Variants in GRIK1 observed in about 807,000 individuals in gnomAD.
GRIK1 encodes glutamate receptor ionotropic, kainate 1.
In GRIK1, 69 loss-of-function variants were observed where a neutral mutation model predicts 105.7. The observed-to-expected ratio is 0.65, with a 90% CI of 0.54 to 0.80. The LOEUF is 0.80. Among genes scored for constraint, GRIK1 ranks in the 30% least tolerant of loss-of-function variants. GRIK1 has a pLI of 0.00. For synonymous variants in GRIK1, 438 were observed against 431.3 expected (o/e 1.02, Z -0.19); for missense variants, 1,109 against 1,167.3 (o/e 0.95, Z 0.73).
At position 29,888,199 on chromosome 21, in the gene GRIK1, C is replaced by CTTTCTTCCTTTCTTTCTT. The variant is rs1391865067; in HGVS notation, c.118+51183_118+51184insAAGAAAGAAAGGAAGAAA. Among the ~76,000 whole-genome samples, 23 of 15,814 alleles carry CTTTCTTCCTTTCTTTCTT rather than the reference C, an allele frequency of 1.5e-3. 1 individual carries two copies. Among genetic ancestry groups the CTTTCTTCCTTTCTTTCTT allele is most frequent in the African/African-American group, 2.6e-3 (20 of 7,638 alleles). 10.4% of individuals were successfully genotyped at this position (15,814 alleles called of 152,430 possible). A position where few individuals can be genotyped will look rare whatever the true frequency, so the allele number is the denominator to read the frequency against. Reference sequence around the variant, plus strand: ...TTTCTTTCTTCCTTTCTTTCTTTCTCTCTCTCTCTCTCTCTCTCTCTCTCT... The same window carrying CTTTCTTCCTTTCTTTCTT: ...TTTCTTTCTTCCTTTCTTTCTTTCTCTTTCTTCCTTTCTTTCTTTCTCTCTCTCTCTCTCTCTCTCTCT... On this transcript the variant is annotated intron_variant, in intron 1 of 17. Transcript: ENST00000327783.
intron 1 of GRIK1, among the ~76,000 whole-genome samples, chr21:29,854,112 G>A (rs1024629848): frequency 3.3e-5 from 5 of 152,090 alleles, no homozygotes; most frequent in African/African-American, 1.2e-4. Context: ...TGTACAAGAA[G>A]CATGATGCCT....
chr21:29,673,992 A>G (rs1300136682), intron 3 of GRIK1, among the ~76,000 whole-genome samples: 3 of 152,084 alleles, frequency 2.0e-5, no homozygotes, highest in Non-Finnish European at 4.4e-5. Flanking sequence ...ATGTTCCCTA[A>G]TGTTAGCAGG....
chr21:29,689,291 G>C (rs910834368), intron 3 of GRIK1, among the ~76,000 whole-genome samples: 1 of 152,112 alleles, frequency 6.6e-6, no homozygotes, highest in African/African-American at 2.4e-5. Context: ...CACTCTATTG[G>C]TACAACCTCT....
chr21:29,701,609 G>A (rs1451928986), intron 1 of GRIK1, among the ~76,000 whole-genome samples: 1 of 152,190 alleles, frequency 6.6e-6, no homozygotes, highest in Non-Finnish European at 1.5e-5. Context: ...TTGAGCAGAG[G>A]AGTGAAATGA....
intron 16 of GRIK1, among the ~76,000 whole-genome samples, chr21:29,553,869 C>T (rs1601092366): frequency 6.6e-6 from 1 of 152,088 alleles, no homozygotes; most frequent in Non-Finnish European, 1.5e-5. Context: ...TTGCATAAAA[C>T]AAGACACCTC....
intron 1 of GRIK1, among the ~76,000 whole-genome samples, chr21:29,920,092 T>C (rs1241263293): frequency 6.6e-6 from 1 of 152,152 alleles, no homozygotes; most frequent in Non-Finnish European, 1.5e-5. Context: ...AATGTTTTTT[T>C]CCCAGAAATT....
rs186447174 is a variant in GRIK1 at position 29,645,348 on chromosome 21, G to A, written c.955-2379C>T. ...GACTTGGACTGTTTCTTATCAATAGGATATACTTTTTTGAAAATTCGTATG... is the reference window on the plus strand; with the variant it reads ...GACTTGGACTGTTTCTTATCAATAGAATATACTTTTTTGAAAATTCGTATG... On this transcript the variant is annotated intron_variant, in intron 6 of 17. Transcript: ENST00000327783. Among the ~76,000 whole-genome samples, 400 of 152,190 alleles carry A rather than the reference G, an allele frequency of 2.6e-3. 2 individuals carry two copies. The highest frequency in any genetic ancestry group is 4.2e-3 in the Non-Finnish European group (286 of 68,004).
intron 6 of GRIK1, among the ~76,000 whole-genome samples, chr21:29,645,399 C>T (rs1421079025): frequency 6.6e-6 from 1 of 151,962 alleles, no homozygotes; most frequent in African/African-American, 2.4e-5. Flanking sequence ...GCTGAATGAC[C>T]AATTTGATAG....
intron 1 of GRIK1, among the ~76,000 whole-genome samples, chr21:29,730,243 A>G (rs1418110897): frequency 6.6e-6 from 1 of 152,182 alleles, no homozygotes; most frequent in African/African-American, 2.4e-5. Flanking sequence ...TACTTATAAT[A>G]ATTATTGTAT....
intron 1 of GRIK1, among the ~76,000 whole-genome samples, chr21:29,918,618 G>A (rs1346061757): frequency 6.6e-6 from 1 of 152,042 alleles, no homozygotes; most frequent in Non-Finnish European, 1.5e-5. Flanking sequence ...AATGTGAAAT[G>A]TGTGTGTGTC....
At chr21:29,583,230 T>C (rs75736629) in intron 12 of GRIK1, among the ~76,000 whole-genome samples, 2,252 of 152,236 alleles carry the variant, frequency 0.015, 58 homozygotes, top group African/African-American at 0.047. Context: ...TTTTAATTAA[T>C]GTTTCAACAA....
At chr21:29,772,843 G>T (rs1357339595) in intron 1 of GRIK1, among the ~76,000 whole-genome samples, 1 of 152,288 alleles carries the variant, frequency 6.6e-6, no homozygotes, top group African/African-American at 2.4e-5. Context: ...TAAATATCAT[G>T]TTTCAGAAAA....
At chr21:29,708,182 G>T (rs559521862) in intron 1 of GRIK1, among the ~76,000 whole-genome samples, 6 of 152,166 alleles carry the variant, frequency 3.9e-5, no homozygotes, top group Non-Finnish European at 7.4e-5. Flanking sequence ...ATGTATTATA[G>T]AAAATATTTA....
intron 1 of GRIK1, among the ~76,000 whole-genome samples, chr21:29,795,177 A>G (rs2145835142): frequency 1.3e-5 from 2 of 151,608 alleles, no homozygotes; most frequent in South Asian, 4.2e-4. Context: ...CTGGGATTAC[A>G]GGCACCTGCC....
At chr21:29,761,688 T>C (rs936846309) in intron 1 of GRIK1, among the ~76,000 whole-genome samples, 1 of 152,054 alleles carries the variant, frequency 6.6e-6, no homozygotes, top group African/African-American at 2.4e-5. Context: ...AAATGTTTCT[T>C]TCTTTCTTCT....
At chr21:29,882,774 T>C (rs2069469247) in intron 1 of GRIK1, among the ~76,000 whole-genome samples, 1 of 152,162 alleles carries the variant, frequency 6.6e-6, no homozygotes, top group South Asian at 2.1e-4. Context: ...AGTTTGTTTC[T>C]ATTTCTCCAC....
At chr21:29,674,574 G>A (rs2063230588) in intron 3 of GRIK1, among the ~76,000 whole-genome samples, 1 of 152,020 alleles carries the variant, frequency 6.6e-6, no homozygotes, top group Non-Finnish European at 1.5e-5. Flanking sequence ...CATGAGGGCG[G>A]ATATCCCCCA....
intron 4 of GRIK1, among the ~76,000 whole-genome samples, chr21:29,671,382 C>T (rs921112095): frequency 6.6e-6 from 1 of 151,128 alleles, no homozygotes; most frequent in Non-Finnish European, 1.5e-5. Context: ...ACCTTAACCT[C>T]CCAACTCCAA....
intron 1 of GRIK1, among the ~76,000 whole-genome samples, chr21:29,904,905 G>A (rs1262507096): frequency 6.6e-6 from 1 of 152,076 alleles, no homozygotes; most frequent in Non-Finnish European, 1.5e-5. Flanking sequence ...CTCCCACAGC[G>A]TTCATGTGGC....
Sources: gnomAD v4.1 joint callset for allele counts (sites outside exome capture counted in the v4.1 genomes callset) on GRCh38, gnomAD v4.1.1 for gene constraint, MANE v1.5 for transcripts, NCBI Gene and HGNC (gene_info 2026-07-23, HGNC 2026-07-21) for gene names.